MTAP: variants seen among roughly 807,000 people sequenced by gnomAD.
The protein encoded by MTAP is methylthioadenosine phosphorylase.
A neutral mutation model predicts 33.6 loss-of-function variants in MTAP; 33 were observed. The observed-to-expected ratio is 0.98, with a 90% CI of 0.74 to 1.31. MTAP has a LOEUF of 1.31. Among genes scored for constraint, MTAP ranks in the 40% most tolerant of loss-of-function variants. The probability of loss-of-function intolerance (pLI) is 0.00; values close to 1 mark genes in which losing one functional copy is unlikely to be tolerated. For synonymous variants in MTAP, 148 were observed against 125.7 expected, an observed-to-expected ratio of 1.18 and a Z score of -1.19; for missense variants, 367 against 360.0, an observed-to-expected ratio of 1.02 and a Z score of -0.16.
At position 21,859,394 on chromosome 9, in the gene MTAP, C is replaced by T; in HGVS notation, c.782C>T (p.Thr261Ile). 6.2e-7 allele frequency: 1 copy of T among 1,613,312 alleles called. No homozygotes were observed. The highest frequency in any genetic ancestry group is 8.5e-7 in the Non-Finnish European group (1 of 1,179,666). The change falls in exon 7 of 8, where the codon ACA becomes ATA. Residue 261 changes from threonine (T) to isoleucine (I), a missense_variant. Transcript: ENST00000644715. ...LLTTIPQIGS[T>I]EWSETLHNLK... ...ACTACCATACCTCAGATAGGGTCCA[C>T]AGAATGGTCAGAAACCCTCCATAAC... is the stretch of plus-strand genomic sequence containing the variant.
At chr9:21,933,826 C>A (rs1819001031), downstream of MTAP, 1 of 152,072 alleles carries the variant, frequency 6.6e-6, no homozygotes, top group Non-Finnish European at 1.5e-5. Flanking sequence ...ATTTTTCTAC[C>A]TCTAGAGACT....
intron 5 of MTAP, among the ~76,000 whole-genome samples, chr9:21,841,127 A>G (rs1049675345): frequency 3.3e-5 from 5 of 152,080 alleles, no homozygotes; most frequent in Non-Finnish European, 7.4e-5. Context: ...GCCCAGAACC[A>G]CCTAACCCTG....
chr9:21,828,149 C>T lies in MTAP; in HGVS notation c.348-9759C>T, dbSNP rs140679158. 9.8e-5 allele frequency among the ~76,000 whole-genome samples: 15 copies of T among 152,316 alleles called. No homozygotes were observed. In the East Asian group the frequency reaches 2.7e-3, roughly 27 times the overall value. On this transcript the variant is annotated intron_variant, in intron 4 of 7. Coordinates refer to ENST00000644715, the MANE Select transcript of MTAP (RefSeq NM_002451.4). ...AGATCTGGTTTCATTCTATCTTAGC[C>T]AGGTAACCTTAAGATCTTCTACTAT... is the stretch of plus-strand genomic sequence containing the variant.
chr9:21,914,772 A>G (rs1818645470), intron 1 of MTAP, among the ~76,000 whole-genome samples: 2 of 147,830 alleles, frequency 1.4e-5, no homozygotes, highest in South Asian at 4.3e-4. Context: ...CCTGGAACTT[A>G]AAGTATAATA....
intron 1 of MTAP, among the ~76,000 whole-genome samples, chr9:21,809,638 C>CAA (rs34912134): frequency 4.0e-4 from 50 of 124,268 alleles, no homozygotes; most frequent in East Asian, 9.3e-4. Context: ...GACTCCGTCT[C>CAA]AAAAAAAAAA....
chr9:21,803,398 T>G (rs745872394), intron 1 of MTAP: 1 of 154,812 alleles, frequency 6.5e-6, no homozygotes, highest in Non-Finnish European at 1.4e-5. Context: ...ATTCTGAGAC[T>G]TTCTTCGAAA....
At chr9:21,896,163 T>A (rs1052720391) in intron 1 of MTAP, among the ~76,000 whole-genome samples, 5 of 152,206 alleles carry the variant, frequency 3.3e-5, no homozygotes, top group African/African-American at 1.2e-4. Context: ...GAATGACTAT[T>A]GGGTCCATAA....
At chr9:21,881,695 C>G (rs2118701306) in intron 1 of MTAP, among the ~76,000 whole-genome samples, 1 of 151,934 alleles carries the variant, frequency 6.6e-6, no homozygotes, top group Middle Eastern at 3.4e-3. Context: ...CACTTCACAC[C>G]CATTACAATG....
intron 5 of MTAP, among the ~76,000 whole-genome samples, chr9:21,840,219 G>A (rs1182926438): frequency 6.8e-6 from 1 of 147,418 alleles, no homozygotes; most frequent in Non-Finnish European, 1.5e-5. Flanking sequence ...GAGACTCCAT[G>A]TCAAAAAAAA....
intron 4 of MTAP, among the ~76,000 whole-genome samples, chr9:21,828,775 G>A (rs934980816): frequency 2.6e-5 from 4 of 152,108 alleles, no homozygotes; most frequent in Admixed American, 2.6e-4. Flanking sequence ...AATATATTAG[G>A]TTAGACAAGA....
chr9:21,885,781 TGTG>T (rs1818098758), intron 1 of MTAP, among the ~76,000 whole-genome samples: 1 of 24,312 alleles, frequency 4.1e-5, no homozygotes, highest in Admixed American at 2.2e-4. Context: ...TATTACATGG[TGTG>T]TGTGTGTGTG....
chr9:21,894,349 C>G (rs1299877713), intron 1 of MTAP, among the ~76,000 whole-genome samples: 1 of 151,904 alleles, frequency 6.6e-6, no homozygotes, highest in Non-Finnish European at 1.5e-5. Flanking sequence ...GAAACAAGAC[C>G]AAGATGCCCA....
chr9:21,802,985 A>ACACACACACACAC (rs1824095207), intron 1 of MTAP: 9 of 445,082 alleles, frequency 2.0e-5, no homozygotes, highest in South Asian at 3.9e-5. Context: ...CCGCACCGCC[A>ACACACACACACAC]ACACACACAC....
chr9:21,912,386 A>T (rs1339362270), intron 1 of MTAP, among the ~76,000 whole-genome samples: 1 of 152,194 alleles, frequency 6.6e-6, no homozygotes, highest in Non-Finnish European at 1.5e-5. Flanking sequence ...ATCCTCAATA[A>T]AATACTGGCA....
intron 1 of MTAP, among the ~76,000 whole-genome samples, chr9:21,910,161 G>A (rs1380311218): frequency 6.6e-6 from 1 of 152,034 alleles, no homozygotes; most frequent in Non-Finnish European, 1.5e-5. Flanking sequence ...TTGTTTGAAA[G>A]GAAATCCATC....
chr9:21,870,769 A>ATT (rs1332200300), downstream of MTAP, among the ~76,000 whole-genome samples: 1 of 146,736 alleles, frequency 6.8e-6, no homozygotes, highest in Non-Finnish European at 1.5e-5. Flanking sequence ...CAGAGGTTAA[A>ATT]TTTTTTTTTC....
intron 1 of MTAP, 116 bp downstream of exon 1, chr9:21,802,897 G>C: frequency 6.7e-7 from 1 of 1,485,570 alleles, no homozygotes; most frequent in Non-Finnish European, 8.9e-7. Context: ...CCTTGCCGCC[G>C]CGGGGAGGGA....
chr9:21,913,618 A>G (rs937936427), intron 1 of MTAP, among the ~76,000 whole-genome samples: 5 of 152,226 alleles, frequency 3.3e-5, no homozygotes, highest in African/African-American at 9.6e-5. Flanking sequence ...ACCTTATACA[A>G]AAATTAATTC....
chr9:21,915,023 C>T (rs180914554), intron 1 of MTAP, among the ~76,000 whole-genome samples: 1,097 of 99,410 alleles, frequency 0.011, 88 homozygotes, highest in African/African-American at 0.057. Flanking sequence ...TTCCTTCCTT[C>T]CTTCCTTCCT....
Sources: allele counts gnomAD v4.1 joint callset (sites outside exome capture counted in the v4.1 genomes callset), GRCh38; gene constraint gnomAD v4.1.1; transcripts MANE v1.5; gene names NCBI Gene and HGNC (gene_info 2026-07-23, HGNC 2026-07-21).